DPYD: variants seen among roughly 807,000 people sequenced by gnomAD.
DPYD encodes dihydropyrimidine dehydrogenase.
DPYD carries 109 observed loss-of-function variants against 116.2 expected under a neutral mutation model. That is an observed-to-expected ratio of 0.94 (90% CI 0.80 to 1.10). The LOEUF (loss-of-function observed/expected upper bound fraction) is 1.10. Among genes scored for constraint, DPYD ranks in the 50% least tolerant of loss-of-function variants. The probability of loss-of-function intolerance (pLI) is 0.00; values close to 1 mark genes in which losing one functional copy is unlikely to be tolerated. For synonymous variants in DPYD, 440 were observed against 432.0 expected, an observed-to-expected ratio of 1.02 and a Z score of -0.23; for missense variants, 1,302 against 1,254.5, an observed-to-expected ratio of 1.04 and a Z score of -0.57.
chr1:97,234,718 T>C (rs1661789316), intron 19 of DPYD, 134 bp downstream of exon 19: 3 of 1,084,132 alleles, frequency 2.8e-6, no homozygotes, highest in Non-Finnish European at 4.1e-6. Flanking sequence ...ACTTAATACA[T>C]GCTGCCATTT....
intron 1 of DPYD, among the ~76,000 whole-genome samples, chr1:97,916,412 G>A (rs947110061): frequency 6.6e-6 from 1 of 152,080 alleles, no homozygotes; most frequent in East Asian, 1.9e-4. Context: ...TCCCACCTAT[G>A]AGTGAGAACA....
chr1:97,410,656 G>A (rs1034823065), intron 14 of DPYD, among the ~76,000 whole-genome samples: 2 of 152,056 alleles, frequency 1.3e-5, no homozygotes, highest in African/African-American at 4.8e-5. Context: ...GTGTCACATT[G>A]TGAGCATATT....
intron 5 of DPYD, among the ~76,000 whole-genome samples, chr1:97,705,316 T>C (rs1661867940): frequency 1.3e-5 from 2 of 152,038 alleles, no homozygotes; most frequent in African/African-American, 4.8e-5. Context: ...CGGTGTGTGG[T>C]GTTCCCCTTC....
At chr1:97,866,578 T>G (rs1671389041) in intron 2 of DPYD, among the ~76,000 whole-genome samples, 1 of 151,902 alleles carries the variant, frequency 6.6e-6, no homozygotes, top group Non-Finnish European at 1.5e-5. Flanking sequence ...ACTAAGCTAC[T>G]GCTCTCAGGA....
At chr1:97,459,184 GA>G (rs1365915339) in intron 13 of DPYD, among the ~76,000 whole-genome samples, 1 of 152,036 alleles carries the variant, frequency 6.6e-6, no homozygotes, top group Non-Finnish European at 1.5e-5. Context: ...AAATAATATG[GA>G]AAATTAAAAC....
intron 3 of DPYD, among the ~76,000 whole-genome samples, chr1:97,782,262 C>A (rs1049384964): frequency 3.9e-5 from 6 of 152,196 alleles, no homozygotes; most frequent in African/African-American, 9.7e-5. Context: ...ACATAAATCA[C>A]GGCGCAGAGC....
At chr1:97,608,686 T>C (rs142349779) in intron 8 of DPYD, among the ~76,000 whole-genome samples, 48 of 151,674 alleles carry the variant, frequency 3.2e-4, no homozygotes, top group African/African-American at 1.1e-3. Flanking sequence ...TATGAGAAAT[T>C]TAATAATAAT....
chr1:97,372,787 C>T (rs1174499314), intron 16 of DPYD, among the ~76,000 whole-genome samples: 2 of 151,870 alleles, frequency 1.3e-5, no homozygotes, highest in African/African-American at 2.4e-5. Flanking sequence ...AGATCCTGTG[C>T]CAGACATGGA....
Position 97,759,069 on chromosome 1 carries a change from C to G in DPYD, c.234-18590G>C, listed in dbSNP as rs1665425078. Among the ~76,000 whole-genome samples, 3 of 152,126 alleles carry G rather than the reference C, an allele frequency of 2.0e-5. No individual in the cohort carries two copies. The South Asian group carries it at 6.2e-4, about 31-fold the overall frequency. On this transcript the variant is annotated intron_variant, in intron 3 of 22. Transcript: ENST00000370192. ...TATTTATTCACTTATACATGGTTTGCTGGTGTTCATGCCCATTCCACCAAC... is the reference window on the plus strand; with the variant it reads ...TATTTATTCACTTATACATGGTTTGGTGGTGTTCATGCCCATTCCACCAAC...
intron 16 of DPYD, among the ~76,000 whole-genome samples, chr1:97,311,039 G>C (rs938297365): frequency 2.0e-5 from 3 of 151,784 alleles, no homozygotes; most frequent in Non-Finnish European, 4.4e-5. Context: ...GAAAAACCAT[G>C]AGTATGGAAA....
At chr1:97,340,364 T>G (rs543001164) in intron 16 of DPYD, among the ~76,000 whole-genome samples, 1 of 152,042 alleles carries the variant, frequency 6.6e-6, no homozygotes, top group Non-Finnish European at 1.5e-5. Context: ...AAAAGACATA[T>G]AGGGAAAAAG....
intron 3 of DPYD, chr1:97,797,950 T>C (rs1667658446): frequency 6.6e-6 from 1 of 152,128 alleles, no homozygotes; most frequent in African/African-American, 2.4e-5. Flanking sequence ...AAAGTCTTTA[T>C]TTGGCATATC....
At chr1:97,760,398 AT>A (rs1165302372) in intron 3 of DPYD, among the ~76,000 whole-genome samples, 1 of 152,152 alleles carries the variant, frequency 6.6e-6, no homozygotes, top group African/African-American at 2.4e-5. Context: ...GTAAAGCAAA[AT>A]ATTCAAAAAT....
intron 14 of DPYD, among the ~76,000 whole-genome samples, chr1:97,429,635 T>C (rs1179949514): frequency 2.0e-5 from 3 of 152,102 alleles, no homozygotes; most frequent in Non-Finnish European, 4.4e-5. Context: ...AAAGTAAGGA[T>C]AATGATACCT....
chr1:97,288,707 A>T (rs1303372597), intron 18 of DPYD, among the ~76,000 whole-genome samples: 1 of 144,028 alleles, frequency 6.9e-6, no homozygotes, highest in East Asian at 2.1e-4. Flanking sequence ...GGAAATTTAT[A>T]GCACTAAATG....
At chr1:97,714,889 A>G (rs1405304937) in intron 5 of DPYD, among the ~76,000 whole-genome samples, 1 of 152,102 alleles carries the variant, frequency 6.6e-6, no homozygotes, top group Non-Finnish European at 1.5e-5. Flanking sequence ...GGCAAGTAAG[A>G]GTTTGTGAAA....
intron 18 of DPYD, among the ~76,000 whole-genome samples, chr1:97,286,605 G>A (rs2100959790): frequency 6.6e-6 from 1 of 152,224 alleles, no homozygotes; most frequent in South Asian, 2.1e-4. Context: ...ATTTCTTGGA[G>A]GCTTTGTTCA....
chr1:97,869,648 G>A (rs1671561702), intron 2 of DPYD, among the ~76,000 whole-genome samples: 1 of 151,648 alleles, frequency 6.6e-6, no homozygotes, highest in Non-Finnish European at 1.5e-5. Flanking sequence ...ACAGAAAGTT[G>A]GCACCAAGAT....
chr1:97,578,831 T>C lies in DPYD; in HGVS notation c.1129-4861A>G, dbSNP rs115485654. On this transcript the variant is annotated intron_variant, in intron 10 of 22. Transcript: ENST00000370192. ...TGAAATATAGGAACCACATGATGGATTTATGAACCCAATACTGTAAACGAG... is the reference window on the plus strand; with the variant it reads ...TGAAATATAGGAACCACATGATGGACTTATGAACCCAATACTGTAAACGAG... Among the ~76,000 whole-genome samples, 1,259 of 152,250 alleles carry C rather than the reference T, an allele frequency of 8.3e-3. 9 individuals carry two copies. The highest frequency in any genetic ancestry group is 0.014 in the Admixed American group (215 of 15,288).
Sources: gnomAD v4.1 joint callset for allele counts (sites outside exome capture counted in the v4.1 genomes callset) on GRCh38, gnomAD v4.1.1 for gene constraint, MANE v1.5 for transcripts, NCBI Gene and HGNC (gene_info 2026-07-23, HGNC 2026-07-21) for gene names.